The following TDRD5 variants were observed in gnomAD, a reference collection of about 807,000 sequenced individuals.
The protein encoded by TDRD5 is tudor domain containing 5.
TDRD5 carries 41 observed loss-of-function variants against 120.6 expected under a neutral mutation model. The observed-to-expected ratio is 0.34, with a 90% CI of 0.26 to 0.44. TDRD5 has a LOEUF of 0.44. Among genes scored for constraint, TDRD5 ranks in the 20% least tolerant of loss-of-function variants. The pLI is 1.00. For synonymous variants in TDRD5, 430 were observed against 433.7 expected, an observed-to-expected ratio of 0.99 and a Z score of 0.11; for missense variants, 1,006 against 1,221.2, an observed-to-expected ratio of 0.82 and a Z score of 2.63.
At chr1:179,607,893 A>G (rs1676064545) in intron 4 of TDRD5, among the ~76,000 whole-genome samples, 1 of 151,978 alleles carries the variant, frequency 6.6e-6, no homozygotes, top group South Asian at 2.1e-4. Context: ...ATGCTCTCCA[A>G]TTCTTTCTGT....
intron 9 of TDRD5, among the ~76,000 whole-genome samples, chr1:179,637,054 T>C (rs1677801099): frequency 6.6e-6 from 1 of 152,248 alleles, no homozygotes; most frequent in Non-Finnish European, 1.5e-5. Context: ...ATGTAAAATA[T>C]GGACATTTTC....
chr1:179,656,327 A>G (rs1679003377), intron 14 of TDRD5, among the ~76,000 whole-genome samples: 1 of 152,136 alleles, frequency 6.6e-6, no homozygotes, highest in African/African-American at 2.4e-5. Flanking sequence ...TATTCAGGAT[A>G]CTAGTTCTTT....
rs1256072070 is a variant in TDRD5, at chr1:179,643,945, G to A, written c.1800+3500G>A. On this transcript the variant is annotated intron_variant, in intron 11 of 17. Coordinates refer to ENST00000444136, the MANE Select transcript of TDRD5 (RefSeq NM_001199085.3). ...GCAAAAGGAGAAAATCCTGAAAGCA[G>A]CAAGAAGGGGGAAAATACAGGAAAC... Among the ~76,000 whole-genome samples the A allele has an allele frequency of 5.3e-5, 8 of 152,210 alleles. 1 individual carries two copies. The East Asian group carries it at 1.5e-3, about 29-fold the overall frequency.
intron 16 of TDRD5, among the ~76,000 whole-genome samples, chr1:179,665,954 A>G (rs888926115): frequency 7.2e-5 from 11 of 152,154 alleles, no homozygotes; most frequent in African/African-American, 2.7e-4. Flanking sequence ...GAGTGTTCTC[A>G]TAAGCATTTA....
intron 6 of TDRD5, 119 bp downstream of exon 6, chr1:179,621,210 T>C (rs2101972724): frequency 3.8e-6 from 3 of 799,316 alleles, no homozygotes; most frequent in Non-Finnish European, 5.7e-6. Flanking sequence ...GGAAACATTT[T>C]GTTTTGCATT....
chr1:179,675,822 A>G (rs1440751712), intron 17 of TDRD5, among the ~76,000 whole-genome samples: 1 of 152,150 alleles, frequency 6.6e-6, no homozygotes, highest in Non-Finnish European at 1.5e-5. Context: ...TGATGAATAG[A>G]ATATATATTC....
intron 17 of TDRD5, among the ~76,000 whole-genome samples, chr1:179,680,691 C>T (rs917124369): frequency 6.6e-6 from 1 of 152,148 alleles, no homozygotes; most frequent in African/African-American, 2.4e-5. Flanking sequence ...TGGCTAGGTG[C>T]TGTGGCTCAC....
At chr1:179,687,158 C>G (rs1328892337) in intron 17 of TDRD5, among the ~76,000 whole-genome samples, 3 of 152,170 alleles carry the variant, frequency 2.0e-5, no homozygotes, top group Admixed American at 2.0e-4. Context: ...TAGATCTTTC[C>G]TGGTTTCTCT....
At chr1:179,678,268 A>C (rs1415321722) in intron 17 of TDRD5, among the ~76,000 whole-genome samples, 2 of 152,162 alleles carry the variant, frequency 1.3e-5, no homozygotes, top group Non-Finnish European at 2.9e-5. Context: ...TGGCTCCCTC[A>C]ACAGCACCGA....
Position 179,652,193 on chromosome 1 carries a change from T to C in TDRD5, c.2156T>C (p.Ile719Thr). The C allele has an allele frequency of 6.3e-7, 1 of 1,598,018 alleles. No homozygotes were observed. The highest frequency in any genetic ancestry group is 8.5e-7 in the Non-Finnish European group (1 of 1,176,160). Residue 719 changes from isoleucine to threonine, a missense_variant, in exon 13 of 18, where the codon ATC becomes ACC. By Grantham distance (89) the Ile-to-Thr change is moderately conservative (BLOSUM62 -1). Around this residue, in one of 3 missense-constraint regions of TDRD5, gnomAD observed 403 missense variants for 448.1 expected, o/e 0.90. Transcript: ENST00000444136. ...SPQSKESELR[I>T]LQDINDEKSL... is the part of the protein sequence containing the mutation. ...CAGTCAAAAGAGAGTGAGTTACGTATCTTGGTAAGAGATTTTTGCAAATAC... is the reference window on the plus strand; with the variant it reads ...CAGTCAAAAGAGAGTGAGTTACGTACCTTGGTAAGAGATTTTTGCAAATAC...
intron 8 of TDRD5, among the ~76,000 whole-genome samples, chr1:179,635,351 G>C (rs779960604): frequency 2.6e-5 from 4 of 152,172 alleles, no homozygotes; most frequent in African/African-American, 2.4e-5. Flanking sequence ...CTGGATGTTT[G>C]AAGTATCATA....
intron 14 of TDRD5, among the ~76,000 whole-genome samples, chr1:179,654,611 C>T (rs1347854688): frequency 6.6e-6 from 1 of 151,228 alleles, no homozygotes; most frequent in African/African-American, 2.4e-5. Flanking sequence ...CAAAATGTAC[C>T]AAAAAAAATT....
At chr1:179,625,570 T>C (rs1677077663) in intron 6 of TDRD5, among the ~76,000 whole-genome samples, 3 of 152,208 alleles carry the variant, frequency 2.0e-5, no homozygotes, top group African/African-American at 7.2e-5. Flanking sequence ...GGTGCAAGTA[T>C]AAAATGGTAC....
In TDRD5 at chr1:179,595,702, T is replaced by G. The variant is rs12069976; in HGVS notation, c.715T>G (p.Phe239Val). 3,077 of 1,613,678 alleles carry G rather than the reference T, an allele frequency of 1.9e-3. 51 individuals are homozygous for G. In the African/African-American group the frequency reaches 0.037, roughly 19 times the overall value. Residue 239 changes from phenylalanine to valine, a missense_variant, in exon 4 of 18, where the codon TTT (phenylalanine) becomes GTT (valine). By Grantham distance (50) the Phe-to-Val change is conservative. Transcript: ENST00000444136. Reference protein sequence around the residue: ...STGFPVAKPCFSQPTSNMEPP... With the variant: ...STGFPVAKPCVSQPTSNMEPP... ...AGGCTTTCCGGTAGCAAAGCCATGC[T>G]TTTCACAACCCACTTCAAACATGGA...
At chr1:179,670,578 T>C (rs1337421026) in intron 17 of TDRD5, among the ~76,000 whole-genome samples, 1 of 152,182 alleles carries the variant, frequency 6.6e-6, no homozygotes, top group Non-Finnish European at 1.5e-5. Context: ...GATGTTATTG[T>C]CGATCTTTTT....
intron 2 of TDRD5, 126 bp from the exon 3 acceptor site, chr1:179,593,334 C>T (rs1675216735): frequency 9.5e-7 from 1 of 1,048,492 alleles, no homozygotes; most frequent in African/African-American, 1.6e-5. Context: ...CCAAGAGTTA[C>T]TGTTTATCGT....
chr1:179,688,748 T>C (rs1275442794), intron 17 of TDRD5, among the ~76,000 whole-genome samples: 2 of 152,208 alleles, frequency 1.3e-5, no homozygotes, highest in Non-Finnish European at 2.9e-5. Context: ...TCATTTCTTT[T>C]TACTCTTTTT....
intron 3 of TDRD5, 79 bp downstream of exon 3, chr1:179,593,946 A>C: frequency 2.0e-6 from 3 of 1,511,244 alleles, no homozygotes; most frequent in Non-Finnish European, 2.7e-6. Context: ...AGTTCGTTAG[A>C]GTTGAAGCCT....
At chr1:179,675,963 G>A (rs1023384012) in intron 17 of TDRD5, among the ~76,000 whole-genome samples, 1 of 152,122 alleles carries the variant, frequency 6.6e-6, no homozygotes, top group Non-Finnish European at 1.5e-5. Context: ...GTCCCCCACT[G>A]CTATTGTGTT....
Sources: allele counts gnomAD v4.1 joint callset (sites outside exome capture counted in the v4.1 genomes callset), GRCh38; gene constraint gnomAD v4.1.1; regional missense constraint gnomAD v4.1.1; transcripts MANE v1.5; gene names NCBI Gene and HGNC (gene_info 2026-07-23, HGNC 2026-07-21).